Variants in GPR39 observed in about 807,000 individuals in gnomAD.
GPR39 encodes G protein-coupled receptor 39, also known as zinc sensing receptor.
GPR39 carries 23 observed loss-of-function variants against 18.4 expected under a neutral mutation model. The observed-to-expected ratio is 1.25, with a 90% CI of 0.90 to 1.77. GPR39 has a LOEUF of 1.77. Ranked by LOEUF, GPR39 falls within the 40% of genes most tolerant of loss-of-function variation. The probability of loss-of-function intolerance (pLI) is 0.00; values close to 1 mark genes in which losing one functional copy is unlikely to be tolerated. For synonymous variants in GPR39, 280 were observed against 257.9 expected (o/e 1.09, Z -0.82); for missense variants, 647 against 602.4 (o/e 1.07, Z -0.78).
intron 1 of GPR39, 91 bp from the exon 2 acceptor site, chr2:132,645,010 G>C: frequency 7.0e-7 from 1 of 1,427,974 alleles, no homozygotes; most frequent in East Asian, 2.3e-5. Context: ...AGAACAGAGG[G>C]GCTAAATATT....
chr2:132,417,601 C>T lies in GPR39; in HGVS notation c.559C>T (p.Arg187Trp), dbSNP rs1679930905. 1.2e-6 allele frequency: 2 copies of T among 1,613,980 alleles called. No homozygotes were observed. The highest frequency in any genetic ancestry group is 2.2e-5 in the East Asian group (1 of 44,868). The change falls in exon 1 of 2, where the codon CGG (arginine) becomes TGG (tryptophan). Residue 187 changes from arginine (R) to tryptophan (W), a missense_variant. Coordinates refer to ENST00000329321, the MANE Select transcript of GPR39 (RefSeq NM_001508.3). ...EYPLVNVPSH[R>W]GLTCNRSSTR... ...CCCCCTGGTGAACGTGCCCAGCCACCGGGGTCTCACTTGCAACCGCTCCAG... is the reference window on the plus strand; with the variant it reads ...CCCCCTGGTGAACGTGCCCAGCCACTGGGGTCTCACTTGCAACCGCTCCAG...
chr2:132,609,320 A>T (rs1200121043), intron 1 of GPR39, among the ~76,000 whole-genome samples: 1 of 152,126 alleles, frequency 6.6e-6, no homozygotes, highest in African/African-American at 2.4e-5. Context: ...TTTACTTAGC[A>T]CTTGCTCCGT....
intron 1 of GPR39, among the ~76,000 whole-genome samples, chr2:132,565,410 T>A (rs1339140665): frequency 2.6e-5 from 4 of 151,558 alleles, no homozygotes; most frequent in African/African-American, 9.7e-5. Flanking sequence ...TTTTTTTTTT[T>A]TTATTATACT....
chr2:132,583,069 T>C (rs79358800), intron 1 of GPR39, among the ~76,000 whole-genome samples: 1,980 of 152,038 alleles, frequency 0.013, 50 homozygotes, highest in African/African-American at 0.045. Flanking sequence ...AGCTAATTAT[T>C]TAAATTACTT....
intron 1 of GPR39, among the ~76,000 whole-genome samples, chr2:132,605,104 A>T (rs1394780062): frequency 2.6e-5 from 4 of 152,206 alleles, no homozygotes; most frequent in Non-Finnish European, 5.9e-5. Context: ...AACATTCCCA[A>T]GGTCACATAA....
rs576890442 is a variant in GPR39, at chr2:132,417,582, G to A, written c.540G>A (p.Leu180=). The A allele has an allele frequency of 8.1e-6, 13 of 1,614,092 alleles. No individual in the cohort carries two copies. Among genetic ancestry groups the A allele is most frequent in the African/African-American group, 1.3e-5 (1 of 75,014 alleles). ...TTGCCATGGGTACTGAGTACCCCCT[G>A]GTGAACGTGCCCAGCCACCGGGGTC... ...LLFAMGTEYP[L]VNVPSHRGLT... is the part of the protein sequence containing the mutation. The change falls in exon 1 of 2, where the codon CTG becomes CTA. Residue 180 remains leucine (L), a synonymous_variant. Coordinates refer to ENST00000329321, the MANE Select transcript of GPR39 (RefSeq NM_001508.3).
intron 1 of GPR39, among the ~76,000 whole-genome samples, chr2:132,418,742 G>A (rs900934255): frequency 1.6e-4 from 24 of 152,208 alleles, no homozygotes; most frequent in African/African-American, 5.1e-4. Context: ...CCTAGTGGCT[G>A]GGAGACAAGG....
intron 1 of GPR39, among the ~76,000 whole-genome samples, chr2:132,447,911 A>C (rs1178203186): frequency 6.6e-6 from 1 of 152,162 alleles, no homozygotes; most frequent in East Asian, 1.9e-4. Context: ...TGCAGTAAGG[A>C]AGAAAACCAC....
At chr2:132,490,784 A>G (rs1190286210) in intron 1 of GPR39, among the ~76,000 whole-genome samples, 3 of 150,130 alleles carry the variant, frequency 2.0e-5, no homozygotes, top group African/African-American at 7.6e-5. Context: ...CTCCTCAGCC[A>G]AAGAGGAGCC....
intron 1 of GPR39, among the ~76,000 whole-genome samples, chr2:132,476,756 C>G (rs1007563087): frequency 6.6e-6 from 1 of 151,414 alleles, no homozygotes; most frequent in Non-Finnish European, 1.5e-5. Flanking sequence ...GATGCTTTAT[C>G]AAGCTGGCCA....
intron 1 of GPR39, among the ~76,000 whole-genome samples, chr2:132,511,297 C>G (rs1410054095): frequency 1.3e-5 from 2 of 152,016 alleles, no homozygotes; most frequent in East Asian, 1.9e-4. Flanking sequence ...CATAATTAAT[C>G]TAAAGTAAAT....
chr2:132,497,817 A>T (rs1425619893), intron 1 of GPR39, among the ~76,000 whole-genome samples: 1 of 151,562 alleles, frequency 6.6e-6, no homozygotes, highest in Non-Finnish European at 1.5e-5. Context: ...TGAGAAACAG[A>T]TTATCTCTGT....
intron 1 of GPR39, among the ~76,000 whole-genome samples, chr2:132,440,086 G>C (rs895600310): frequency 9.9e-5 from 15 of 152,122 alleles, no homozygotes; most frequent in Admixed American, 6.5e-5. Flanking sequence ...GTGGATGGTA[G>C]GTGACTCCCT....
intron 1 of GPR39, among the ~76,000 whole-genome samples, chr2:132,573,933 A>G (rs1388949821): frequency 6.6e-6 from 1 of 152,216 alleles, no homozygotes; most frequent in Non-Finnish European, 1.5e-5. Flanking sequence ...CTCTTCCTTG[A>G]AGAATGTATT....
intron 1 of GPR39, among the ~76,000 whole-genome samples, chr2:132,559,755 G>A (rs1573667102): frequency 6.6e-6 from 1 of 152,126 alleles, no homozygotes; most frequent in African/African-American, 2.4e-5. Flanking sequence ...AAAGGCAAGA[G>A]CATTGGTTCT....
At position 132,417,863 on chromosome 2, in the gene GPR39, G is replaced by A. The variant is rs1312558712; in HGVS notation, c.821G>A (p.Ser274Asn). 3.7e-6 allele frequency: 6 copies of A among 1,604,976 alleles called. No homozygotes were observed. The South Asian group carries it at 5.5e-5, about 15-fold the overall frequency. ...CTGAGGAAGTCCGAGAGCGAAGAGA[G>A]CAGGACCGCCAGGAGGCAGACCATC... ...PQLRKSESEE[S>N]RTARRQTIIF... The change falls in exon 1 of 2, where the codon AGC becomes AAC. Residue 274 changes from serine (S) to asparagine (N), a missense_variant. Physicochemically the swap from Ser to Asn is conservative, Grantham distance 46 (BLOSUM62 1). Around this residue, in one of 3 missense-constraint regions of GPR39, gnomAD observed 581 missense variants for 506.8 expected, o/e 1.15. Coordinates refer to ENST00000329321, the MANE Select transcript of GPR39 (RefSeq NM_001508.3).
Position 132,417,642 on chromosome 2 carries a change from G to T in GPR39, c.600G>T (p.Glu200Asp), listed in dbSNP as rs1470171333. The change falls in exon 1 of 2, where the codon GAG becomes GAT. Residue 200 changes from glutamate to aspartate, a missense_variant. Glu to Asp is a conservative substitution (Grantham distance 45). This residue lies in a region of GPR39 where 581 missense variants were observed against 506.8 expected (regional missense o/e 1.15). Transcript: ENST00000329321. ...ACCGCTCCAGCACCCGCCACCACGAGCAGCCCGAGACCTCCAATATGTCCA... is the reference window on the plus strand; with the variant it reads ...ACCGCTCCAGCACCCGCCACCACGATCAGCCCGAGACCTCCAATATGTCCA... ...TCNRSSTRHH[E>D]QPETSNMSIC... 74 of 1,614,022 alleles carry T rather than the reference G, an allele frequency of 4.6e-5. No individual in the cohort carries two copies. The highest frequency in any genetic ancestry group is 5.6e-5 in the Non-Finnish European group (66 of 1,180,038).
At chr2:132,605,377 G>A (rs1681116784) in intron 1 of GPR39, among the ~76,000 whole-genome samples, 1 of 151,864 alleles carries the variant, frequency 6.6e-6, no homozygotes, top group African/African-American at 2.4e-5. Flanking sequence ...GAACGAGGAT[G>A]TGGAGTGAGC....
At chr2:132,430,862 A>G (rs558306534) in intron 1 of GPR39, among the ~76,000 whole-genome samples, 1 of 152,316 alleles carries the variant, frequency 6.6e-6, no homozygotes, top group East Asian at 1.9e-4. Flanking sequence ...GTGCTCTGAC[A>G]TTGTTGAGTT....
Sources: allele counts gnomAD v4.1 joint callset (sites outside exome capture counted in the v4.1 genomes callset), GRCh38; gene constraint gnomAD v4.1.1; regional missense constraint gnomAD v4.1.1; transcripts MANE v1.5; gene names NCBI Gene and HGNC (gene_info 2026-07-23, HGNC 2026-07-21).